The following C2CD3 variants were observed in gnomAD, a reference collection of about 807,000 sequenced individuals.
C2CD3 encodes C2 domain-containing protein 3.
C2CD3 carries 148 observed loss-of-function variants against 234.0 expected under a neutral mutation model. The ratio of observed to expected loss-of-function variants is 0.63; its 90% CI spans 0.55 to 0.72. The LOEUF is 0.72. C2CD3 is among the 30% of genes least tolerant of loss of function. The pLI is 0.00. For missense variants in C2CD3, 2,577 were observed against 2,811.5 expected, an observed-to-expected ratio of 0.92 and a Z score of 1.89; for synonymous variants, 1,000 against 1,035.4, an observed-to-expected ratio of 0.97 and a Z score of 0.66.
At chr11:74,170,029 G>A (rs1368663884) in intron 1 of C2CD3, among the ~76,000 whole-genome samples, 1 of 152,078 alleles carries the variant, frequency 6.6e-6, no homozygotes, top group Non-Finnish European at 1.5e-5. Context: ...ATCTGCCCTG[G>A]GTTCCTAGGT....
At chr11:74,113,694 A>T in intron 11 of C2CD3, 86 bp downstream of exon 11, 1 of 851,022 alleles carries the variant, frequency 1.2e-6, no homozygotes, top group African/African-American at 1.7e-5. Context: ...AAAAAAAAAA[A>T]AAAAAAGTCA....
intron 28 of C2CD3, among the ~76,000 whole-genome samples, chr11:74,044,595 T>C (rs1255981118): frequency 6.6e-6 from 1 of 152,216 alleles, no homozygotes; most frequent in Non-Finnish European, 1.5e-5. Flanking sequence ...ATTTGTATTT[T>C]AGATCTGAGG....
At chr11:74,090,373 C>A (rs1955837634) in intron 20 of C2CD3, among the ~76,000 whole-genome samples, 1 of 152,160 alleles carries the variant, frequency 6.6e-6, no homozygotes, top group Non-Finnish European at 1.5e-5. Context: ...CCACTGCACT[C>A]TAGCCTGGGC....
rs1025245898 is a variant in C2CD3 at position 74,170,260 on chromosome 11, C to T, written c.55+478G>A. Among the ~76,000 whole-genome samples the T allele has an allele frequency of 7.9e-5, 12 of 152,160 alleles. 1 individual carries two copies. The highest frequency in any genetic ancestry group is 6.5e-4 in the Admixed American group (10 of 15,276). ...ATTTTTCCCAACTCCTGCTCATAGT[C>T]AGCCCTTCATACTTCATTCATTCAA... On this transcript the variant is annotated intron_variant, in intron 1 of 32. Transcript: ENST00000334126.
At chr11:74,108,921 T>C in intron 12 of C2CD3, 113 bp downstream of exon 12, 1 of 570,578 alleles carries the variant, frequency 1.8e-6, no homozygotes, top group Non-Finnish European at 3.1e-6. Context: ...TAACAATGGA[T>C]TATTAGTACT....
At chr11:74,045,399 A>ATT (rs1228371151) in intron 28 of C2CD3, among the ~76,000 whole-genome samples, 1 of 152,160 alleles carries the variant, frequency 6.6e-6, no homozygotes, top group Non-Finnish European at 1.5e-5. Flanking sequence ...TTCCATACTA[A>ATT]TTTTAAGATC....
At chr11:74,046,118 ACAATTT>A (rs1953361261) in intron 28 of C2CD3, among the ~76,000 whole-genome samples, 1 of 152,180 alleles carries the variant, frequency 6.6e-6, no homozygotes, top group African/African-American at 2.4e-5. Context: ...TTTAAAGAAT[ACAATTT>A]GATGAATTTT....
rs1435335510 is a variant in C2CD3 at position 74,028,280 on chromosome 11, C to T, written c.6921+7G>A. ...ATAGAAGAAAGGTCAGTTGGCCATT[C>T]TCTTACCTGATCTGTTGTGGCTGCT... is the stretch of plus-strand genomic sequence containing the variant. On this transcript the variant is annotated splice_region_variant and intron_variant, in intron 32 of 32. Coordinates refer to ENST00000334126, the MANE Select transcript of C2CD3 (RefSeq NM_001286577.2). 6.5e-7 allele frequency: 1 copy of T among 1,530,618 alleles called. No homozygotes were observed. Among genetic ancestry groups the T allele is most frequent in the Non-Finnish European group, 8.8e-7 (1 of 1,141,942 alleles). The allele number at this position is 1,530,618 out of a possible 1,614,324, so 94.8% of individuals were successfully genotyped here. A position where few individuals can be genotyped will look rare whatever the true frequency, so the allele number is the denominator to read the frequency against.
In C2CD3 at chr11:74,033,723, G is replaced by A. The variant is rs1212672532; in HGVS notation, c.6437C>T (p.Ser2146Phe). The change falls in exon 31 of 33, where the codon TCT becomes TTT. Residue 2146 changes from serine to phenylalanine, a missense_variant. By Grantham distance (155) the Ser-to-Phe change is radical. Transcript: ENST00000334126. ...ACAAGCAACAAGACTTTGGCTAGGAGAACCCTGCCTAGGCAGGTGGGGGTT... is the reference window on the plus strand; with the variant it reads ...ACAAGCAACAAGACTTTGGCTAGGAAAACCCTGCCTAGGCAGGTGGGGGTT... Reference protein sequence around the residue: ...AVNPHLPRQGSPSQSLVACEC... With the variant: ...AVNPHLPRQGFPSQSLVACEC... 1 of 1,536,410 alleles carries A rather than the reference G, an allele frequency of 6.5e-7. No homozygotes were observed. Among genetic ancestry groups the A allele is most frequent in the Non-Finnish European group, 8.7e-7 (1 of 1,146,928 alleles).
intron 22 of C2CD3, among the ~76,000 whole-genome samples, chr11:74,083,041 T>G (rs1955463183): frequency 6.6e-6 from 1 of 152,142 alleles, no homozygotes. Flanking sequence ...GACTTCAAAC[T>G]ATACTACAAG....
intron 31 of C2CD3, 141 bp from the exon 32 acceptor site, chr11:74,028,539 T>A: frequency 1.6e-6 from 1 of 626,922 alleles, no homozygotes; most frequent in East Asian, 2.8e-5. Context: ...TTTGCTCAGC[T>A]GGCTCCCTCT....
intron 20 of C2CD3, 84 bp downstream of exon 20, chr11:74,090,729 A>C (rs1367650625): frequency 8.8e-6 from 13 of 1,478,316 alleles, no homozygotes; most frequent in Non-Finnish European, 1.9e-6. Flanking sequence ...AATTATACCT[A>C]AGAAAGTTTT....
intron 32 of C2CD3, among the ~76,000 whole-genome samples, chr11:74,016,285 A>G (rs946346846): frequency 6.6e-6 from 1 of 151,588 alleles, no homozygotes; most frequent in African/African-American, 2.4e-5. Flanking sequence ...AATTAGTAAC[A>G]GCTGAGAAAG....
chr11:74,069,063 G>C (rs1429804532), intron 24 of C2CD3, among the ~76,000 whole-genome samples: 2 of 152,222 alleles, frequency 1.3e-5, no homozygotes, highest in Non-Finnish European at 2.9e-5. Context: ...CTCCCAAAGT[G>C]CTGGGATTAC....
At chr11:74,107,058 A>G (rs1465490263) in intron 12 of C2CD3, among the ~76,000 whole-genome samples, 1 of 152,214 alleles carries the variant, frequency 6.6e-6, no homozygotes, top group Non-Finnish European at 1.5e-5. Context: ...GCGGTGGCCC[A>G]TGCCTGTAAT....
At chr11:74,156,744 C>G (rs955268506) in intron 3 of C2CD3, among the ~76,000 whole-genome samples, 2 of 152,178 alleles carry the variant, frequency 1.3e-5, no homozygotes, top group African/African-American at 4.8e-5. Flanking sequence ...CCAAGGCAGG[C>G]AGATCACTTG....
chr11:74,080,102 A>C (rs1465311067), intron 22 of C2CD3, among the ~76,000 whole-genome samples: 1 of 152,170 alleles, frequency 6.6e-6, no homozygotes, highest in Non-Finnish European at 1.5e-5. Flanking sequence ...TGAGTTAAAA[A>C]ACTTCTATTT....
At chr11:74,084,629 T>G (rs1428629699) in intron 22 of C2CD3, among the ~76,000 whole-genome samples, 1 of 151,960 alleles carries the variant, frequency 6.6e-6, no homozygotes, top group Non-Finnish European at 1.5e-5. Flanking sequence ...CCTCTTCTGC[T>G]CAGCTCATTG....
rs148511714 is a variant in C2CD3, at chr11:74,162,333, T to G, written c.326-777A>C. ...ATATAATCTGTGTAAATAAAAGAAA[T>G]TATGCAAAGAGCTTTTATTAGTATA... On this transcript the variant is annotated intron_variant, in intron 2 of 32. Transcript: ENST00000334126. Among the ~76,000 whole-genome samples the G allele has an allele frequency of 8.9e-4, 135 of 152,202 alleles. 1 individual carries two copies. In the East Asian group the frequency reaches 0.024, roughly 27 times the overall value.
Sources: allele counts gnomAD v4.1 joint callset (sites outside exome capture counted in the v4.1 genomes callset), GRCh38; gene constraint gnomAD v4.1.1; transcripts MANE v1.5; gene names NCBI Gene and HGNC (gene_info 2026-07-23, HGNC 2026-07-21).